NBEA: variants seen among roughly 807,000 people sequenced by gnomAD.
The protein encoded by NBEA is lysosomal-trafficking regulator 2.
NBEA carries 44 observed loss-of-function variants against 343.4 expected under a neutral mutation model. The ratio of observed to expected loss-of-function variants is 0.13; its 90% CI spans 0.10 to 0.16. The LOEUF (loss-of-function observed/expected upper bound fraction) is 0.16, where lower values mean the gene tolerates loss of function less well. NBEA is among the 10% of genes least tolerant of loss of function. The probability of loss-of-function intolerance (pLI) is 1.00; values close to 1 mark genes in which losing one functional copy is unlikely to be tolerated. For synonymous variants in NBEA, 1,175 were observed against 1,238.7 expected, an observed-to-expected ratio of 0.95 and a Z score of 1.08; for missense variants, 2,555 against 3,631.3, an observed-to-expected ratio of 0.70 and a Z score of 7.62.
At chr13:34,956,862 T>G (rs909238576) in intron 1 of NBEA, among the ~76,000 whole-genome samples, 1 of 152,114 alleles carries the variant, frequency 6.6e-6, no homozygotes. Flanking sequence ...AATAGTAACT[T>G]CCATTTCTCC....
intron 17 of NBEA, among the ~76,000 whole-genome samples, chr13:35,138,967 T>C (rs865821885): frequency 6.6e-6 from 1 of 151,994 alleles, no homozygotes; most frequent in Non-Finnish European, 1.5e-5. Flanking sequence ...AATGATTATG[T>C]CTGGGTTGAA....
At chr13:35,031,555 T>C (rs9315329) in intron 1 of NBEA, among the ~76,000 whole-genome samples, 138,871 of 151,438 alleles carry the variant, frequency 0.92, 64,356 homozygotes, top group Non-Finnish European at 0.99. Context: ...AATTGCTAAC[T>C]TTAACTGAAT....
Position 35,311,779 on chromosome 13 carries a change from G to A in NBEA, c.5903+2187G>A, listed in dbSNP as rs138137881. On this transcript the variant is annotated intron_variant, in intron 36 of 58. Transcript: ENST00000379939. ...TGAGGCAGGAGAATCACTTGAGCCC[G>A]GGAGGTGGAGGTTGCAGTGAGCCAA... Among the ~76,000 whole-genome samples, 1,108 of 152,180 alleles carry A rather than the reference G, an allele frequency of 7.3e-3. 18 individuals carry two copies. The highest frequency in any genetic ancestry group is 0.025 in the African/African-American group (1,052 of 41,512).
At chr13:35,557,305 C>T (rs996291933) in intron 44 of NBEA, among the ~76,000 whole-genome samples, 2 of 152,144 alleles carry the variant, frequency 1.3e-5, no homozygotes, top group African/African-American at 2.4e-5. Flanking sequence ...CCTATAACTA[C>T]CACCCACTTC....
chr13:35,229,472 C>T (rs1875266513), intron 33 of NBEA, among the ~76,000 whole-genome samples: 1 of 152,054 alleles, frequency 6.6e-6, no homozygotes, highest in African/African-American at 2.4e-5. Context: ...TGGTTTTATT[C>T]TGGTGGCTAT....
At chr13:35,392,106 A>C (rs971679819) in intron 38 of NBEA, among the ~76,000 whole-genome samples, 5 of 152,138 alleles carry the variant, frequency 3.3e-5, no homozygotes, top group South Asian at 2.1e-4. Flanking sequence ...GAATAAAAAT[A>C]AACTTTTCTA....
chr13:35,614,449 A>G (rs2082650644), intron 48 of NBEA, among the ~76,000 whole-genome samples: 1 of 152,200 alleles, frequency 6.6e-6, no homozygotes, highest in African/African-American at 2.4e-5. Context: ...AGCCATACCA[A>G]TGAAAATTGG....
At chr13:35,141,580 A>G (rs1379985265) in intron 17 of NBEA, among the ~76,000 whole-genome samples, 1 of 152,124 alleles carries the variant, frequency 6.6e-6, no homozygotes, top group African/African-American at 2.4e-5. Context: ...CTTGAATTCT[A>G]AGGAAGTGAC....
At chr13:35,538,116 A>G (rs1406913018) in intron 41 of NBEA, among the ~76,000 whole-genome samples, 6 of 152,186 alleles carry the variant, frequency 3.9e-5, no homozygotes, top group Non-Finnish European at 8.8e-5. Context: ...CCGCAGGTGG[A>G]GTATCCCTTG....
At chr13:35,413,615 C>A (rs1415134579) in intron 38 of NBEA, among the ~76,000 whole-genome samples, 1 of 151,934 alleles carries the variant, frequency 6.6e-6, no homozygotes, top group Non-Finnish European at 1.5e-5. Flanking sequence ...GTACCTAAAC[C>A]CTATTTATCT....
chr13:35,069,808 A>G (rs2063798085), intron 8 of NBEA, 100 bp from the exon 9 acceptor site: 1 of 775,316 alleles, frequency 1.3e-6, no homozygotes, highest in Non-Finnish European at 2.0e-6. Flanking sequence ...CATGAAAGGT[A>G]CACAAGTAGT....
intron 33 of NBEA, among the ~76,000 whole-genome samples, chr13:35,227,545 T>C (rs1227299580): frequency 6.6e-6 from 1 of 152,062 alleles, no homozygotes; most frequent in Non-Finnish European, 1.5e-5. Context: ...ATTTCTTTTA[T>C]GTCTGAGTAA....
intron 3 of NBEA, 85 bp from the exon 4 acceptor site, chr13:35,045,221 A>G (rs1467990612): frequency 6.4e-6 from 8 of 1,253,820 alleles, no homozygotes; most frequent in African/African-American, 6.1e-5. Context: ...CTCTAGTTAG[A>G]AAACAGTCCA....
chr13:35,581,829 C>A (rs1380552994), intron 45 of NBEA, among the ~76,000 whole-genome samples: 12 of 136,510 alleles, frequency 8.8e-5, no homozygotes, highest in African/African-American at 2.8e-4. Context: ...CACATGTATA[C>A]ATATGTAACT....
chr13:35,180,763 C>T (rs899813306), intron 28 of NBEA, among the ~76,000 whole-genome samples: 19 of 151,702 alleles, frequency 1.3e-4, no homozygotes, highest in African/African-American at 4.4e-4. Flanking sequence ...GACTTTGATG[C>T]ACCCATCACC....
intron 41 of NBEA, among the ~76,000 whole-genome samples, chr13:35,492,570 CT>C (rs200995578): frequency 0.016 from 2,446 of 151,838 alleles, 27 homozygotes; most frequent in Non-Finnish European, 0.022. Context: ...TGAGAGATGG[CT>C]TTTTTCCTTG....
In NBEA at chr13:35,058,116, TTCC is replaced by T. The variant is rs150842851; in HGVS notation, c.1093-598_1093-596del. 9.0e-3 allele frequency among the ~76,000 whole-genome samples: 1,368 copies of T among 152,222 alleles called. 19 individuals carry two copies. Among genetic ancestry groups the T allele is most frequent in the African/African-American group, 0.031 (1,293 of 41,550 alleles). On this transcript the variant is annotated intron_variant, in intron 7 of 58. Transcript: ENST00000379939. ...AGCTTTTGGCTTCTTCAGTGCTGAA[TTCC>T]TCTTGTGGAGAGCACTGTACCATCG...
intron 22 of NBEA, among the ~76,000 whole-genome samples, chr13:35,161,047 A>AT (rs1407451180): frequency 6.6e-6 from 1 of 152,054 alleles, no homozygotes. Flanking sequence ...TGGGGAAAGT[A>AT]TTTTTATTTT....
At position 34,942,860 on chromosome 13, in the gene NBEA, C is replaced by G. The variant is rs1446901620; in HGVS notation, c.40C>G (p.Pro14Ala). 7.2e-7 allele frequency: 1 copy of G among 1,392,146 alleles called. No individual in the cohort carries two copies. Among genetic ancestry groups the G allele is most frequent in the Non-Finnish European group, 9.4e-7 (1 of 1,066,898 alleles). 86.2% of individuals were successfully genotyped at this position (1,392,146 alleles called of 1,614,324 possible). The change falls in exon 1 of 59, where the codon CCT (proline) becomes GCT (alanine). Residue 14 changes from proline to alanine, a missense_variant. Pro to Ala is a conservative substitution (Grantham distance 27, BLOSUM62 -1). This residue lies in a region of NBEA where 122 missense variants were observed against 91.0 expected (regional missense o/e 1.34). Transcript: ENST00000379939. ...EKPGPGPGLE[P>A]QPVGLIAVGA... ...GCCGGGCCCGGGCCCGGGGCTCGAGCCTCAGCCCGTGGGGCTCATTGCCGT... is the reference window on the plus strand; with the variant it reads ...GCCGGGCCCGGGCCCGGGGCTCGAGGCTCAGCCCGTGGGGCTCATTGCCGT...
Sources: gnomAD v4.1 joint callset for allele counts (sites outside exome capture counted in the v4.1 genomes callset) on GRCh38, gnomAD v4.1.1 for gene constraint, gnomAD v4.1.1 regional missense constraint, MANE v1.5 for transcripts, NCBI Gene and HGNC (gene_info 2026-07-23, HGNC 2026-07-21) for gene names.